Variants in F13A1 observed in about 807,000 individuals in gnomAD.
F13A1 encodes FSF, A subunit.
Under a neutral mutation model 80.1 loss-of-function variants are expected in F13A1, and 47 were observed. The ratio of observed to expected loss-of-function variants is 0.59; its 90% CI spans 0.46 to 0.75. F13A1 has a LOEUF of 0.75. Ranked by LOEUF, F13A1 falls within the 30% of genes least tolerant of loss-of-function variation. The pLI, the probability that F13A1 is intolerant of heterozygous loss-of-function variation, is 0.00. For missense variants in F13A1, 817 were observed against 930.4 expected (o/e 0.88, Z 1.59); for synonymous variants, 349 against 344.9 (o/e 1.01, Z -0.13).
At chr6:6,238,353 A>G (rs746443325) in intron 6 of F13A1, among the ~76,000 whole-genome samples, 9 of 152,196 alleles carry the variant, frequency 5.9e-5, no homozygotes, top group Admixed American at 2.6e-4. Flanking sequence ...ACCAAAAGGT[A>G]ACTCAAGATG....
rs535932902 is a variant in F13A1 at position 6,185,571 on chromosome 6, G to A, written c.1306-3430C>T. On this transcript the variant is annotated intron_variant, in intron 10 of 14. Transcript: ENST00000264870. ...TGAACTCATCATTTTTTATGGCTGC[G>A]TAGTATTCCATGGTGTATATGTGCC... Among the ~76,000 whole-genome samples the A allele has an allele frequency of 9.9e-3, 1,497 of 151,678 alleles. 26 individuals are homozygous for A. Among genetic ancestry groups the A allele is most frequent in the African/African-American group, 0.034 (1,396 of 41,284 alleles).
At chr6:6,197,193 C>T (rs768632061) in intron 9 of F13A1, 30 bp downstream of exon 9, 3 of 1,601,152 alleles carry the variant, frequency 1.9e-6, no homozygotes, top group Non-Finnish European at 2.6e-6. Flanking sequence ...AGCAATGAAG[C>T]AAGTTCCCAG....
chr6:6,183,147 C>T lies in F13A1; in HGVS notation c.1306-1006G>A, dbSNP rs1761018839. Among the ~76,000 whole-genome samples the T allele has an allele frequency of 2.6e-5, 4 of 152,088 alleles. No homozygotes were observed. In the South Asian group the frequency reaches 8.3e-4, roughly 32 times the overall value. Reference sequence around the variant, plus strand: ...AAGGTTCCAGTTATTATCATGGAAGCAGGTAGGAAGCATGAATTGTACTGC... The same window carrying T: ...AAGGTTCCAGTTATTATCATGGAAGTAGGTAGGAAGCATGAATTGTACTGC... On this transcript the variant is annotated intron_variant, in intron 10 of 14. Coordinates refer to ENST00000264870, the MANE Select transcript of F13A1 (RefSeq NM_000129.4).
chr6:6,230,300 T>G (rs934494619), intron 6 of F13A1, among the ~76,000 whole-genome samples: 4 of 151,974 alleles, frequency 2.6e-5, no homozygotes, highest in African/African-American at 9.7e-5. Flanking sequence ...GGCAGCTGGG[T>G]GACTCCTGTG....
chr6:6,149,917 C>G lies in F13A1; in HGVS notation c.2045+1896G>C, dbSNP rs760348976. 9.7e-4 allele frequency among the ~76,000 whole-genome samples: 147 copies of G among 152,318 alleles called. 1 individual carries two copies. Among genetic ancestry groups the G allele is most frequent in the Admixed American group, 1.3e-3 (20 of 15,302 alleles). ...CCGATTCACTCCACTTTGCTCCACT[C>G]CAATGTCAGACATTAACAATAAACA... On this transcript the variant is annotated intron_variant, in intron 14 of 14. Coordinates refer to ENST00000264870, the MANE Select transcript of F13A1 (RefSeq NM_000129.4).
chr6:6,218,026 T>TC (rs34345379), intron 8 of F13A1, among the ~76,000 whole-genome samples: 1 of 151,838 alleles, frequency 6.6e-6, no homozygotes, highest in South Asian at 2.1e-4. Flanking sequence ...CAGACACTGC[T>TC]CCCCCTGTGG....
chr6:6,215,723 A>G (rs1215118042), intron 8 of F13A1, among the ~76,000 whole-genome samples: 32 of 140,926 alleles, frequency 2.3e-4, no homozygotes, highest in African/African-American at 6.8e-4. Context: ...TCAATTAGGA[A>G]AAGAGGAAGT....
chr6:6,197,371 C>T (rs1018380831), intron 8 of F13A1, 45 bp from the exon 9 acceptor site: 2 of 1,559,550 alleles, frequency 1.3e-6, no homozygotes, highest in East Asian at 4.5e-5. Context: ...CCATCACACC[C>T]AATGCTCCAA....
intron 2 of F13A1, among the ~76,000 whole-genome samples, chr6:6,316,542 A>G (rs1411911592): frequency 6.6e-6 from 1 of 151,948 alleles, no homozygotes; most frequent in African/African-American, 2.4e-5. Flanking sequence ...CCCAGATTTT[A>G]TTTTTCTTAA....
intron 3 of F13A1, among the ~76,000 whole-genome samples, chr6:6,302,175 C>T (rs372860903): frequency 3.3e-5 from 5 of 152,288 alleles, no homozygotes; most frequent in African/African-American, 1.2e-4. Flanking sequence ...TTGAAGCTTC[C>T]CTCTCCTCTT....
intron 3 of F13A1, among the ~76,000 whole-genome samples, chr6:6,298,310 T>C (rs1481638932): frequency 6.7e-6 from 1 of 148,338 alleles, no homozygotes; most frequent in Non-Finnish European, 1.5e-5. Context: ...CCTTGTTGAC[T>C]TTCTGTCTCG....
chr6:6,202,870 A>C lies in F13A1; in HGVS notation c.1113-5544T>G, dbSNP rs1423562738. On this transcript the variant is annotated intron_variant, in intron 8 of 14. Transcript: ENST00000264870. Reference sequence around the variant, plus strand: ...AGTATTGGTACAAAGGACTCAGAGAACCTTCACCAAAGGCAGTACTTCACT... The same window carrying C: ...AGTATTGGTACAAAGGACTCAGAGACCCTTCACCAAAGGCAGTACTTCACT... 2.0e-5 allele frequency among the ~76,000 whole-genome samples: 3 copies of C among 152,252 alleles called. No individual in the cohort carries two copies. The East Asian group carries it at 5.8e-4, about 29-fold the overall frequency.
chr6:6,307,578 C>A (rs1056576365), intron 2 of F13A1, among the ~76,000 whole-genome samples: 12 of 152,068 alleles, frequency 7.9e-5, no homozygotes, highest in African/African-American at 2.9e-4. Flanking sequence ...AGCTAAACAC[C>A]AAAGTCCTTA....
chr6:6,147,758 A>G (rs1393772446), intron 14 of F13A1, among the ~76,000 whole-genome samples: 1 of 152,258 alleles, frequency 6.6e-6, no homozygotes, highest in East Asian at 1.9e-4. Flanking sequence ...TGATGTGTAC[A>G]TACGAAAAAA....
At chr6:6,176,402 C>T (rs1233688508) in intron 11 of F13A1, among the ~76,000 whole-genome samples, 1 of 152,168 alleles carries the variant, frequency 6.6e-6, no homozygotes, top group Non-Finnish European at 1.5e-5. Context: ...ATTACCATCA[C>T]TTTCCTTGTT....
At chr6:6,159,679 C>T (rs1760538937) in intron 13 of F13A1, among the ~76,000 whole-genome samples, 1 of 152,128 alleles carries the variant, frequency 6.6e-6, no homozygotes, top group South Asian at 2.1e-4. Flanking sequence ...GAGGAAGGTC[C>T]CTGCCTCCTC....
chr6:6,155,062 T>G (rs1760449078), intron 13 of F13A1, among the ~76,000 whole-genome samples: 1 of 152,214 alleles, frequency 6.6e-6, no homozygotes, highest in East Asian at 1.9e-4. Context: ...ATATACAATA[T>G]GGGCATGTAT....
intron 12 of F13A1, 146 bp downstream of exon 12, chr6:6,174,434 T>A: frequency 1.2e-6 from 1 of 853,084 alleles, no homozygotes; most frequent in Non-Finnish European, 1.9e-6. Flanking sequence ...TTTTGCAGAA[T>A]GAGTGGGTTC....
intron 12 of F13A1, among the ~76,000 whole-genome samples, chr6:6,171,807 T>C (rs1198024572): frequency 6.6e-6 from 1 of 152,238 alleles, no homozygotes; most frequent in Admixed American, 6.5e-5. Flanking sequence ...TGATTCTGGC[T>C]CCTTCCTGCT....
Sources: gnomAD v4.1 joint callset for allele counts (sites outside exome capture counted in the v4.1 genomes callset) on GRCh38, gnomAD v4.1.1 for gene constraint, MANE v1.5 for transcripts, NCBI Gene and HGNC (gene_info 2026-07-23, HGNC 2026-07-21) for gene names.